Variants in CDH20 observed in about 807,000 individuals in gnomAD.
The protein encoded by CDH20 is cadherin 20.
Under a neutral mutation model 74.2 loss-of-function variants are expected in CDH20, and 29 were observed. That is an observed-to-expected ratio of 0.39 (90% CI 0.29 to 0.53). The LOEUF (loss-of-function observed/expected upper bound fraction) is 0.53. CDH20 is among the 20% of genes least tolerant of loss of function. CDH20 has a pLI of 0.69. For synonymous variants in CDH20, 469 were observed against 405.4 expected, an observed-to-expected ratio of 1.16 and a Z score of -1.88; for missense variants, 988 against 1,048.3, an observed-to-expected ratio of 0.94 and a Z score of 0.79.
At chr18:61,393,970 C>G (rs181036980) in intron 1 of CDH20, among the ~76,000 whole-genome samples, 7 of 152,062 alleles carry the variant, frequency 4.6e-5, no homozygotes, top group Non-Finnish European at 1.0e-4. Flanking sequence ...AAGCCCCACT[C>G]TCCTTCTCAT....
In CDH20 at chr18:61,544,878, C is replaced by T. The variant is rs1913178821; in HGVS notation, c.1531-149C>T. 11 of 644,008 alleles carry T rather than the reference C, an allele frequency of 1.7e-5. No homozygotes were observed. The East Asian group carries it at 2.7e-4, about 16-fold the overall frequency. The allele number at this position is 644,008 out of a possible 1,614,324, so 39.9% of individuals were successfully genotyped here. On this transcript the variant is annotated intron_variant, in intron 9 of 11. Transcript: ENST00000262717. ...ACCAGGAACCCTGCCCTTCTCTACC[C>T]AGCATTTCCCTGCCCCTCTCCCATA...
chr18:61,527,921 T>C, intron 6 of CDH20, 46 bp from the exon 7 acceptor site: 1 of 1,604,242 alleles, frequency 6.2e-7, no homozygotes, highest in Non-Finnish European at 8.5e-7. Flanking sequence ...ATATTTTGAA[T>C]CTTGAACCTC....
chr18:61,459,564 A>G (rs2144355451), intron 1 of CDH20, among the ~76,000 whole-genome samples: 1 of 152,292 alleles, frequency 6.6e-6, no homozygotes, highest in Non-Finnish European at 1.5e-5. Flanking sequence ...GATGTTCTCA[A>G]AGTGTGCCAC....
intron 1 of CDH20, among the ~76,000 whole-genome samples, chr18:61,340,005 C>A (rs1420414232): frequency 1.3e-5 from 2 of 151,994 alleles, no homozygotes; most frequent in African/African-American, 4.8e-5. Flanking sequence ...ATAGAAATTT[C>A]TTTGACATGT....
At chr18:61,467,387 G>A (rs1168310562) in intron 1 of CDH20, among the ~76,000 whole-genome samples, 1 of 152,080 alleles carries the variant, frequency 6.6e-6, no homozygotes, top group Non-Finnish European at 1.5e-5. Flanking sequence ...TTCCCCAAAA[G>A]TCAGGTATAG....
intron 1 of CDH20, among the ~76,000 whole-genome samples, chr18:61,475,294 G>A (rs1297556767): frequency 6.6e-6 from 1 of 152,148 alleles, no homozygotes; most frequent in African/African-American, 2.4e-5. Flanking sequence ...GTGAAGGTGG[G>A]GATGGAAGAA....
At chr18:61,359,423 G>GAA (rs1022798168) in intron 1 of CDH20, among the ~76,000 whole-genome samples, 4 of 151,454 alleles carry the variant, frequency 2.6e-5, no homozygotes, top group African/African-American at 9.7e-5. Context: ...GAAAAAAAAA[G>GAA]AAACCCGCAA....
intron 1 of CDH20, among the ~76,000 whole-genome samples, chr18:61,470,643 C>T (rs1910138388): frequency 6.6e-6 from 1 of 151,696 alleles, no homozygotes; most frequent in Non-Finnish European, 1.5e-5. Flanking sequence ...CAAGTGACAC[C>T]AGATAGAGAA....
intron 1 of CDH20, among the ~76,000 whole-genome samples, chr18:61,383,609 C>A (rs74529789): frequency 6.6e-6 from 1 of 151,962 alleles, no homozygotes; most frequent in Non-Finnish European, 1.5e-5. Flanking sequence ...AAAATACATT[C>A]TAATGAAGGT....
intron 5 of CDH20, 82 bp from the exon 6 acceptor site, chr18:61,507,291 C>A: frequency 7.8e-7 from 1 of 1,281,782 alleles, no homozygotes; most frequent in African/African-American, 1.5e-5. Context: ...ATATTTTGCA[C>A]AGCACTCCTG....
intron 1 of CDH20, among the ~76,000 whole-genome samples, chr18:61,447,020 G>A (rs990326346): frequency 3.9e-5 from 6 of 152,184 alleles, no homozygotes; most frequent in Non-Finnish European, 7.3e-5. Flanking sequence ...CCAACCACTG[G>A]GATTGTGATT....
intron 6 of CDH20, among the ~76,000 whole-genome samples, chr18:61,510,983 T>TC (rs1289269091): frequency 2.0e-3 from 297 of 148,864 alleles, no homozygotes; most frequent in African/African-American, 6.8e-3. Context: ...TTTCTTTCTT[T>TC]TTTTTTTTTT....
At chr18:61,409,285 GCATCCT>G (rs1190935905) in intron 1 of CDH20, among the ~76,000 whole-genome samples, 1 of 152,028 alleles carries the variant, frequency 6.6e-6, no homozygotes, top group Non-Finnish European at 1.5e-5. Context: ...CCCCCACCCC[GCATCCT>G]CATCTCCAGT....
At chr18:61,360,450 C>CT (rs1910650627) in intron 1 of CDH20, among the ~76,000 whole-genome samples, 1 of 152,138 alleles carries the variant, frequency 6.6e-6, no homozygotes, top group African/African-American at 2.4e-5. Context: ...CCTAGAAGTG[C>CT]TCAGGGTCTC....
Position 61,490,689 on chromosome 18 carries a change from C to T in CDH20, c.136C>T (p.Leu46Phe). Reference sequence around the variant, plus strand: ...AACACCACAAGGTGAATTAGAAGCACTCCTGTCAGACAAGCCACAGTCACA... The same window carrying T: ...AACACCACAAGGTGAATTAGAAGCATTCCTGTCAGACAAGCCACAGTCACA... ...TPTPQGELEA[L>F]LSDKPQSHQR... The change falls in exon 2 of 12, where the codon CTC becomes TTC. Residue 46 changes from leucine to phenylalanine, a missense_variant. Around this residue, in one of 2 missense-constraint regions of CDH20, gnomAD observed 613 missense variants for 755.2 expected, o/e 0.81. Coordinates refer to ENST00000262717, the MANE Select transcript of CDH20 (RefSeq NM_031891.4). 1 of 1,614,130 alleles carries T rather than the reference C, an allele frequency of 6.2e-7. No individual in the cohort carries two copies. Among genetic ancestry groups the T allele is most frequent in the Non-Finnish European group, 8.5e-7 (1 of 1,180,032 alleles).
At chr18:61,356,337 T>A (rs1431320723) in intron 1 of CDH20, among the ~76,000 whole-genome samples, 1 of 152,250 alleles carries the variant, frequency 6.6e-6, no homozygotes, top group African/African-American at 2.4e-5. Flanking sequence ...TTATTTCTTC[T>A]GCTTTTTAAA....
At chr18:61,433,813 G>T (rs1908734901) in intron 1 of CDH20, among the ~76,000 whole-genome samples, 3 of 152,148 alleles carry the variant, frequency 2.0e-5, no homozygotes, top group African/African-American at 4.8e-5. Context: ...TCAAGAGCAG[G>T]ATTTTGGCTT....
chr18:61,378,842 G>A (rs181930255), intron 1 of CDH20, among the ~76,000 whole-genome samples: 3 of 152,240 alleles, frequency 2.0e-5, no homozygotes, highest in Admixed American at 1.3e-4. Flanking sequence ...GTGACTTGGG[G>A]TGTATTTTAA....
chr18:61,397,834 T>C (rs937100618), intron 1 of CDH20, among the ~76,000 whole-genome samples: 15 of 152,210 alleles, frequency 9.9e-5, no homozygotes, highest in African/African-American at 3.6e-4. Context: ...GAGAATTAAA[T>C]GAGTCAATGC....
Sources: allele counts gnomAD v4.1 joint callset (sites outside exome capture counted in the v4.1 genomes callset), GRCh38; gene constraint gnomAD v4.1.1; regional missense constraint gnomAD v4.1.1; transcripts MANE v1.5; gene names NCBI Gene and HGNC (gene_info 2026-07-23, HGNC 2026-07-21).